Variants in TMEM135 observed in about 807,000 individuals in gnomAD.
TMEM135 encodes transmembrane protein 135.
A neutral mutation model predicts 60.3 loss-of-function variants in TMEM135; 30 were observed. The observed-to-expected ratio is 0.50, with a 90% CI of 0.37 to 0.68. The LOEUF (loss-of-function observed/expected upper bound fraction) is 0.68, where lower values mean the gene tolerates loss of function less well. TMEM135 is among the 30% of genes least tolerant of loss of function. The probability of loss-of-function intolerance (pLI) is 0.00; values close to 1 mark genes in which losing one functional copy is unlikely to be tolerated. For missense variants in TMEM135, 468 were observed against 548.8 expected (o/e 0.85, Z 1.47); for synonymous variants, 190 against 186.7 (o/e 1.02, Z -0.14).
At chr11:87,189,202 C>T (rs1466876434) in intron 5 of TMEM135, among the ~76,000 whole-genome samples, 1 of 151,632 alleles carries the variant, frequency 6.6e-6, no homozygotes. Context: ...ACTCTGCCTC[C>T]CAGGCTGGAG....
intron 5 of TMEM135, among the ~76,000 whole-genome samples, chr11:87,166,998 G>T (rs1286922426): frequency 6.6e-6 from 1 of 152,040 alleles, no homozygotes; most frequent in Admixed American, 6.6e-5. Flanking sequence ...GTGGTTTCTG[G>T]ATCTCTTTGA....
chr11:87,281,439 A>G (rs527306434), intron 6 of TMEM135, among the ~76,000 whole-genome samples: 2 of 152,230 alleles, frequency 1.3e-5, no homozygotes, highest in Non-Finnish European at 2.9e-5. Context: ...TGTGTTGTAG[A>G]CTATCCTATT....
At position 87,321,856 on chromosome 11, in the gene TMEM135, G is replaced by A. The variant is rs1026007098; in HGVS notation, c.*523G>A. 1 of 454,418 alleles carries A rather than the reference G, an allele frequency of 2.2e-6. No homozygotes were observed. Among genetic ancestry groups the A allele is most frequent in the Non-Finnish European group, 4.4e-6 (1 of 226,740 alleles). The allele number at this position is 454,418 out of a possible 1,614,324, so 28.1% of individuals were successfully genotyped here. Reference sequence around the variant, plus strand: ...TCTCCACGGACAGTGCTGCTTTCGTGTAGAGCAATTTAATTGGAGAAGTGG... The same window carrying A: ...TCTCCACGGACAGTGCTGCTTTCGTATAGAGCAATTTAATTGGAGAAGTGG... On this transcript the variant is annotated 3_prime_UTR_variant, in exon 15 of 15. Coordinates refer to ENST00000305494, the MANE Select transcript of TMEM135 (RefSeq NM_022918.4).
chr11:87,247,242 T>G (rs1057315122), intron 6 of TMEM135, among the ~76,000 whole-genome samples: 2 of 152,148 alleles, frequency 1.3e-5, no homozygotes, highest in African/African-American at 4.8e-5. Flanking sequence ...CCTGGCCGTG[T>G]GAGGTGTCGG....
chr11:87,085,114 A>T (rs1465595499), intron 3 of TMEM135, among the ~76,000 whole-genome samples: 1 of 152,236 alleles, frequency 6.6e-6, no homozygotes, highest in African/African-American at 2.4e-5. Context: ...TAACTGAAGA[A>T]GTGATAAATT....
intron 4 of TMEM135, among the ~76,000 whole-genome samples, chr11:87,099,769 G>A (rs112588280): frequency 2.1e-5 from 3 of 140,766 alleles, no homozygotes; most frequent in African/African-American, 7.9e-5. Context: ...TGCAACCTCC[G>A]CCTCCCAGGT....
chr11:87,045,271 C>A (rs1404871795), intron 1 of TMEM135, among the ~76,000 whole-genome samples: 1 of 152,050 alleles, frequency 6.6e-6, no homozygotes, highest in African/African-American at 2.4e-5. Flanking sequence ...ACCTTGTGAT[C>A]CGCCCGCCTC....
chr11:87,212,250 T>G (rs900767720), intron 5 of TMEM135, among the ~76,000 whole-genome samples: 3 of 152,148 alleles, frequency 2.0e-5, no homozygotes, highest in Non-Finnish European at 4.4e-5. Flanking sequence ...TACGCATTTT[T>G]TTTTTCTAGT....
chr11:87,273,491 A>G (rs1202686225), intron 6 of TMEM135, among the ~76,000 whole-genome samples: 1 of 152,114 alleles, frequency 6.6e-6, no homozygotes, highest in East Asian at 1.9e-4. Context: ...CCATCAGACT[A>G]TGGTTATAAA....
intron 4 of TMEM135, among the ~76,000 whole-genome samples, chr11:87,134,299 C>T (rs1251691391): frequency 6.6e-6 from 1 of 152,122 alleles, no homozygotes; most frequent in Non-Finnish European, 1.5e-5. Context: ...TGGATTTGAA[C>T]CCACCCTAAA....
intron 4 of TMEM135, among the ~76,000 whole-genome samples, chr11:87,114,057 A>G (rs1565446724): frequency 6.6e-6 from 1 of 152,130 alleles, no homozygotes; most frequent in Non-Finnish European, 1.5e-5. Flanking sequence ...TCTATGTCCA[A>G]CCAAACTGTG....
At chr11:87,191,933 T>C (rs944588889) in intron 5 of TMEM135, among the ~76,000 whole-genome samples, 3 of 151,722 alleles carry the variant, frequency 2.0e-5, no homozygotes, top group African/African-American at 7.3e-5. Context: ...GGGCATTTTT[T>C]TGAGAGCTCT....
intron 5 of TMEM135, among the ~76,000 whole-genome samples, chr11:87,211,538 C>G (rs1211202845): frequency 6.6e-6 from 1 of 152,126 alleles, no homozygotes; most frequent in Non-Finnish European, 1.5e-5. Context: ...GGCCCATTCA[C>G]CCTCTTGAAT....
At chr11:87,106,261 G>A (rs958061032) in intron 4 of TMEM135, among the ~76,000 whole-genome samples, 28 of 151,870 alleles carry the variant, frequency 1.8e-4, no homozygotes, top group Admixed American at 1.8e-3. Flanking sequence ...CTGCCACAAC[G>A]CCTGACTACT....
intron 9 of TMEM135, among the ~76,000 whole-genome samples, chr11:87,306,431 G>C (rs893192468): frequency 4.9e-4 from 74 of 152,136 alleles, no homozygotes; most frequent in African/African-American, 1.6e-3. Flanking sequence ...TGCCAAGTCT[G>C]TTACAATGGC....
rs765616321 is a variant in TMEM135, at chr11:87,067,829, C to G, written c.269+8C>G. The stretch of plus-strand genomic sequence containing the variant: ...TTTCTTTTGCATTTTAAGGTTGGTA[C>G]TCATAATCACCATAGATACTAATAT... On this transcript the variant is annotated splice_region_variant and intron_variant, in intron 2 of 14. Transcript: ENST00000305494. The G allele has an allele frequency of 6.2e-7, 1 of 1,613,172 alleles. No individual in the cohort carries two copies. The highest frequency in any genetic ancestry group is 8.5e-7 in the Non-Finnish European group (1 of 1,179,504).
intron 4 of TMEM135, among the ~76,000 whole-genome samples, chr11:87,116,943 C>T (rs545506827): frequency 6.6e-6 from 1 of 151,948 alleles, no homozygotes; most frequent in Non-Finnish European, 1.5e-5. Flanking sequence ...CTGCCTCAGC[C>T]TCCTGAGTAG....
In TMEM135 at chr11:87,326,492, T is replaced by C; in HGVS notation, c.*5159T>C. 4.4e-6 allele frequency: 2 copies of C among 454,136 alleles called. No homozygotes were observed. The highest frequency in any genetic ancestry group is 8.8e-6 in the Non-Finnish European group (2 of 226,780). The allele number at this position is 454,136 out of a possible 1,614,324, so 28.1% of individuals were successfully genotyped here. A position where few individuals can be genotyped will look rare whatever the true frequency, so the allele number is the denominator to read the frequency against. On this transcript the variant is annotated 3_prime_UTR_variant, in exon 15 of 15. Coordinates refer to ENST00000305494, the MANE Select transcript of TMEM135 (RefSeq NM_022918.4). ...GTCACCTAAGAGGACCCTGAAGCTATAGTGCCAAAGGTTTAAAGCATGAAG... is the reference window on the plus strand; with the variant it reads ...GTCACCTAAGAGGACCCTGAAGCTACAGTGCCAAAGGTTTAAAGCATGAAG...
chr11:87,070,083 G>C (rs1435923943), intron 2 of TMEM135, among the ~76,000 whole-genome samples: 11 of 151,986 alleles, frequency 7.2e-5, no homozygotes, highest in African/African-American at 1.5e-4. Flanking sequence ...GAGGCCAGGA[G>C]GATCCCTTGA....
Sources: gnomAD v4.1 joint callset for allele counts (sites outside exome capture counted in the v4.1 genomes callset) on GRCh38, gnomAD v4.1.1 for gene constraint, MANE v1.5 for transcripts, NCBI Gene and HGNC (gene_info 2026-07-23, HGNC 2026-07-21) for gene names.